Variants in MAP3K21 observed in about 807,000 individuals in gnomAD.
MAP3K21 encodes the protein mitogen-activated protein kinase kinase kinase MLK4.
In MAP3K21, 63 loss-of-function variants were observed where a neutral mutation model predicts 86.1. The ratio of observed to expected loss-of-function variants is 0.73; its 90% CI spans 0.60 to 0.90. The LOEUF (loss-of-function observed/expected upper bound fraction) is 0.90, where lower values mean the gene tolerates loss of function less well. Among genes scored for constraint, MAP3K21 ranks in the 40% least tolerant of loss-of-function variants. MAP3K21 has a pLI of 0.00. For synonymous variants in MAP3K21, 558 were observed against 564.8 expected, an observed-to-expected ratio of 0.99 and a Z score of 0.17; for missense variants, 1,220 against 1,367.7, an observed-to-expected ratio of 0.89 and a Z score of 1.70.
intron 4 of MAP3K21, among the ~76,000 whole-genome samples, chr1:233,358,150 C>A (rs1341768261): frequency 1.3e-5 from 2 of 151,738 alleles, no homozygotes; most frequent in Admixed American, 6.6e-5. Context: ...ATCATTGGAG[C>A]CATCACTGTA....
chr1:233,336,292 G>A (rs1264759240), intron 1 of MAP3K21, among the ~76,000 whole-genome samples: 21 of 152,098 alleles, frequency 1.4e-4, no homozygotes, highest in Admixed American at 1.4e-3. Context: ...TGTAATTCCA[G>A]TACTTTGGGA....
At chr1:233,362,717 G>C (rs1663487614) in intron 5 of MAP3K21, among the ~76,000 whole-genome samples, 1 of 151,930 alleles carries the variant, frequency 6.6e-6, no homozygotes, top group African/African-American at 2.4e-5. Context: ...TCTGGTATCT[G>C]GGACACTGAT....
At chr1:233,331,411 A>G (rs1435298448) in intron 1 of MAP3K21, among the ~76,000 whole-genome samples, 2 of 152,230 alleles carry the variant, frequency 1.3e-5, no homozygotes, top group African/African-American at 4.8e-5. Flanking sequence ...CATGGTCTTT[A>G]TCCTGAATGT....
At chr1:233,372,287 C>T (rs927486187) in intron 6 of MAP3K21, 127 bp downstream of exon 6, 12 of 1,042,090 alleles carry the variant, frequency 1.2e-5, no homozygotes, top group Non-Finnish European at 1.6e-5. Context: ...TTCGTAGGTG[C>T]CACAACTATT....
intron 6 of MAP3K21, chr1:233,374,162 C>T (rs1663740360): frequency 6.6e-6 from 1 of 152,054 alleles, no homozygotes; most frequent in Non-Finnish European, 1.5e-5. Context: ...CACATGCACA[C>T]TTACATTTAG....
At chr1:233,343,004 T>G (rs972611742) in intron 1 of MAP3K21, among the ~76,000 whole-genome samples, 8 of 152,198 alleles carry the variant, frequency 5.3e-5, no homozygotes, top group Admixed American at 4.6e-4. Context: ...GGGAAAAAAG[T>G]TGTAACCCAA....
At chr1:233,370,307 C>T (rs73094992) in intron 5 of MAP3K21, among the ~76,000 whole-genome samples, 10,102 of 152,160 alleles carry the variant, frequency 0.066, 1,127 homozygotes, top group African/African-American at 0.23. Flanking sequence ...GATACTGAGA[C>T]TTCAAGACCT....
intron 4 of MAP3K21, among the ~76,000 whole-genome samples, chr1:233,360,648 G>T (rs577100679): frequency 6.6e-6 from 1 of 152,266 alleles, no homozygotes; most frequent in African/African-American, 2.4e-5. Context: ...ATTTGTGGGA[G>T]GATGGTCTTC....
chr1:233,341,321 A>G (rs1663035644), intron 1 of MAP3K21, among the ~76,000 whole-genome samples: 1 of 152,188 alleles, frequency 6.6e-6, no homozygotes, highest in African/African-American at 2.4e-5. Flanking sequence ...AGTGTGCCCC[A>G]TTATATTACC....
intron 4 of MAP3K21, among the ~76,000 whole-genome samples, chr1:233,355,797 A>G (rs1663341653): frequency 6.6e-6 from 1 of 151,986 alleles, no homozygotes; most frequent in South Asian, 2.1e-4. Context: ...TTCTGCCCTA[A>G]TCCCTGCCAA....
intron 1 of MAP3K21, among the ~76,000 whole-genome samples, chr1:233,339,030 G>C (rs1052252164): frequency 6.6e-6 from 1 of 152,166 alleles, no homozygotes; most frequent in African/African-American, 2.4e-5. Context: ...TTAGAGGTCA[G>C]GGAGACAGGG....
Position 233,378,999 on chromosome 1 carries a change from C to T in MAP3K21, c.1993C>T (p.Pro665Ser), listed in dbSNP as rs1260475595. ...CAGAAAACCAAAACAAATAAAATTG[C>T]CTAGTCAGGCCTACATTGATCTACC... ...EHRKPKQIKL[P>S]SQAYIDLPLG... is the part of the protein sequence containing the mutation. The change falls in exon 9 of 10, where the codon CCT (proline) becomes TCT (serine). Residue 665 changes from proline to serine, a missense_variant. By Grantham distance (74) the Pro-to-Ser change is moderately conservative (BLOSUM62 -1). This residue lies in a region of MAP3K21 where 632 missense variants were observed against 691.3 expected (regional missense o/e 0.91). Coordinates refer to ENST00000366624, the MANE Select transcript of MAP3K21 (RefSeq NM_032435.3). 1.2e-6 allele frequency: 2 copies of T among 1,614,078 alleles called. No individual in the cohort carries two copies. Among genetic ancestry groups the T allele is most frequent in the Non-Finnish European group, 1.7e-6 (2 of 1,179,984 alleles).
intron 3 of MAP3K21, 101 bp downstream of exon 3, chr1:233,354,056 C>T: frequency 7.8e-7 from 1 of 1,287,858 alleles, no homozygotes; most frequent in Non-Finnish European, 1.0e-6. Flanking sequence ...ACTCTAATTT[C>T]CAAGTACTTT....
intron 8 of MAP3K21, among the ~76,000 whole-genome samples, chr1:233,376,958 G>A (rs1663809636): frequency 6.6e-6 from 1 of 152,144 alleles, no homozygotes; most frequent in African/African-American, 2.4e-5. Flanking sequence ...TAGCCGGCAT[G>A]GTGGTGCTTG....
At chr1:233,363,093 A>T (rs1350705258) in intron 5 of MAP3K21, among the ~76,000 whole-genome samples, 5 of 152,202 alleles carry the variant, frequency 3.3e-5, no homozygotes, top group Non-Finnish European at 7.3e-5. Context: ...CTAGTACCAG[A>T]GCAGGATGAT....
At chr1:233,359,170 T>C (rs763515359) in intron 4 of MAP3K21, among the ~76,000 whole-genome samples, 24 of 152,336 alleles carry the variant, frequency 1.6e-4, no homozygotes, top group Non-Finnish European at 2.9e-4. Flanking sequence ...GATATAGGCA[T>C]CTCTAGTGAG....
chr1:233,356,816 G>T (rs1663366673), intron 4 of MAP3K21, among the ~76,000 whole-genome samples: 1 of 152,174 alleles, frequency 6.6e-6, no homozygotes, highest in Non-Finnish European at 1.5e-5. Context: ...TAAATGAAAT[G>T]ATGTATAATG....
At chr1:233,356,222 A>G (rs893193990) in intron 4 of MAP3K21, among the ~76,000 whole-genome samples, 1 of 152,100 alleles carries the variant, frequency 6.6e-6, no homozygotes, top group Non-Finnish European at 1.5e-5. Flanking sequence ...TTCTCTTATC[A>G]TGGCATAAGT....
chr1:233,354,925 A>T lies in MAP3K21; in HGVS notation c.1225A>T (p.Met409Leu), dbSNP rs763083575. ...TATTGAAGGGGCAGTGATGACTGAG[A>T]TGCCTCAAGAATCTTTTCATTCCAT... is the stretch of plus-strand genomic sequence containing the variant. ...TAIEGAVMTE[M>L]PQESFHSMQD... The change falls in exon 4 of 10, where the codon ATG (methionine) becomes TTG (leucine). Residue 409 changes from methionine (M) to leucine (L), a missense_variant. By Grantham distance (15) the Met-to-Leu change is conservative (BLOSUM62 2). Coordinates refer to ENST00000366624, the MANE Select transcript of MAP3K21 (RefSeq NM_032435.3). 6 of 1,613,994 alleles carry T rather than the reference A, an allele frequency of 3.7e-6. No homozygotes were observed. Among genetic ancestry groups the T allele is most frequent in the Non-Finnish European group, 5.1e-6 (6 of 1,179,836 alleles).
Sources: allele counts gnomAD v4.1 joint callset (sites outside exome capture counted in the v4.1 genomes callset), GRCh38; gene constraint gnomAD v4.1.1; regional missense constraint gnomAD v4.1.1; transcripts MANE v1.5; gene names NCBI Gene and HGNC (gene_info 2026-07-23, HGNC 2026-07-21).